Variants in KDR observed in about 807,000 individuals in gnomAD.
KDR encodes the protein vascular endothelial growth factor receptor 2.
Under a neutral mutation model 160.9 loss-of-function variants are expected in KDR, and 43 were observed. That is an observed-to-expected ratio of 0.27 (90% CI 0.21 to 0.34). KDR has a LOEUF of 0.34. Among genes scored for constraint, KDR ranks in the 10% least tolerant of loss-of-function variants. KDR has a pLI of 1.00. For missense variants in KDR, 1,469 were observed against 1,666.4 expected (o/e 0.88, Z 2.06); for synonymous variants, 617 against 600.1 (o/e 1.03, Z -0.41).
chr4:55,102,891 T>C (rs749911543), intron 13 of KDR, among the ~76,000 whole-genome samples: 13 of 152,230 alleles, frequency 8.5e-5, no homozygotes, highest in Non-Finnish European at 1.8e-4. Flanking sequence ...CAAATTTTAG[T>C]ATCATTCAAC....
At chr4:55,108,606 G>A (rs896606577) in intron 9 of KDR, among the ~76,000 whole-genome samples, 2 of 152,078 alleles carry the variant, frequency 1.3e-5, no homozygotes, top group Non-Finnish European at 2.9e-5. Context: ...ACCCAAACAC[G>A]TAAACCACCT....
At chr4:55,105,613 C>T (rs946304750) in intron 12 of KDR, among the ~76,000 whole-genome samples, 4 of 152,190 alleles carry the variant, frequency 2.6e-5, no homozygotes, top group African/African-American at 9.6e-5. Flanking sequence ...ATCTGTGAAA[C>T]CATTCTCTCT....
rs779652851 is a variant in KDR at position 55,114,903 on chromosome 4, T to A, written c.629A>T (p.Gln210Leu). Residue 210 changes from glutamine (Q) to leucine (L), a missense_variant, in exon 5 of 30, where the codon CAG becomes CTG. Gln to Leu is a moderately radical substitution (Grantham distance 113). Coordinates refer to ENST00000263923, the MANE Select transcript of KDR (RefSeq NM_002253.4). ...AACGACAACTATGTACATAATAGAC[T>A]GGTAACTTTCATCATTAATTTTTGC... is the stretch of plus-strand genomic sequence containing the variant. Reference protein sequence around the residue: ...CEAKINDESYQSIMYIVVVVG... With the variant: ...CEAKINDESYLSIMYIVVVVG... 1 of 1,613,714 alleles carries A rather than the reference T, an allele frequency of 6.2e-7. No homozygotes were observed. The highest frequency in any genetic ancestry group is 1.7e-5 in the Admixed American group (1 of 59,988).
At chr4:55,098,317 G>C (rs770135066) in intron 16 of KDR, 45 bp from the exon 17 acceptor site, 7 of 1,611,422 alleles carry the variant, frequency 4.3e-6, no homozygotes, top group Non-Finnish European at 5.9e-6. Context: ...CTGTTGTTTG[G>C]CTGTTGTTTT....
At position 55,107,783 on chromosome 4, in the gene KDR, T is replaced by C. The variant is rs1560520305; in HGVS notation, c.1366A>G (p.Ile456Val). ...TCCTCCAACTGCCAATACCAGTGGA[T>C]GTGATGCGGGGGAGGAATGGCATAG... is the stretch of plus-strand genomic sequence containing the variant. ...TVYAIPPPHH[I>V]HWYWQLEEEC... is the part of the protein sequence containing the mutation. Residue 456 changes from isoleucine to valine, a missense_variant, in exon 10 of 30, where the codon ATC becomes GTC. Ile to Val is a conservative substitution (Grantham distance 29). Around this residue, in one of 7 missense-constraint regions of KDR, gnomAD observed 792 missense variants for 840.9 expected, o/e 0.94. Transcript: ENST00000263923. The C allele has an allele frequency of 6.2e-7, 1 of 1,613,902 alleles. No individual in the cohort carries two copies. The highest frequency in any genetic ancestry group is 1.7e-5 in the Admixed American group (1 of 59,990).
At chr4:55,088,230 A>G (rs748241184) in intron 26 of KDR, among the ~76,000 whole-genome samples, 3 of 152,240 alleles carry the variant, frequency 2.0e-5, no homozygotes, top group Non-Finnish European at 2.9e-5. Flanking sequence ...AAAAGGTTGC[A>G]CAACTTAATA....
Position 55,089,439 on chromosome 4 carries a change from T to C in KDR, c.3339A>G (p.Glu1113=). ...CTTCTTTCAATCGCCTACAAAATTC[T>C]TCATCAATCTTTACCCCAGGATATG... ...ASPYPGVKID[E]EFCRRLKEGT... is the part of the protein sequence containing the mutation. Residue 1113 remains glutamate (E), a synonymous_variant, in exon 25 of 30, where the codon GAA becomes GAG. Transcript: ENST00000263923. 1 of 1,613,158 alleles carries C rather than the reference T, an allele frequency of 6.2e-7. No individual in the cohort carries two copies. The highest frequency in any genetic ancestry group is 2.2e-5 in the East Asian group (1 of 44,862).
chr4:55,095,807 C>G, intron 19 of KDR, 142 bp from the exon 20 acceptor site: 1 of 702,784 alleles, frequency 1.4e-6, no homozygotes, highest in Non-Finnish European at 2.6e-6. Context: ...TCAGCTGGTC[C>G]CAATCCCCTT....
intron 7 of KDR, among the ~76,000 whole-genome samples, chr4:55,111,138 C>T (rs1269543197): frequency 6.6e-6 from 1 of 152,168 alleles, no homozygotes; most frequent in Non-Finnish European, 1.5e-5. Context: ...ACCATGAGGC[C>T]CCAGGACTCA....
At position 55,104,674 on chromosome 4, in the gene KDR, T is replaced by C; in HGVS notation, c.1956A>G (p.Arg652=). ...CTGTGAGCTGCCTGACCACGCAATG[T>C]CTTTTCTTGGTCTTCCTGTCTTGAG... ...CLAQDRKTKK[R]HCVVRQLTVL... The change falls in exon 13 of 30, where the codon AGA becomes AGG. Residue 652 remains arginine (R), a synonymous_variant. Transcript: ENST00000263923. The C allele has an allele frequency of 6.2e-7, 1 of 1,613,760 alleles. No individual in the cohort carries two copies. Among genetic ancestry groups the C allele is most frequent in the East Asian group, 2.2e-5 (1 of 44,860 alleles).
intron 17 of KDR, 47 bp from the exon 18 acceptor site, chr4:55,097,813 T>C (rs527773411): frequency 3.2e-5 from 43 of 1,340,918 alleles, no homozygotes; most frequent in Non-Finnish European, 4.4e-5. Context: ...TGGATTACTA[T>C]ACAACCAAAG....
At position 55,105,823 on chromosome 4, in the gene KDR, A is replaced by G; in HGVS notation, c.1645+9T>C. 3 of 1,524,514 alleles carry G rather than the reference A, an allele frequency of 2.0e-6. No homozygotes were observed. Among genetic ancestry groups the G allele is most frequent in the Non-Finnish European group, 2.7e-6 (3 of 1,098,226 alleles). The allele number at this position is 1,524,514 out of a possible 1,614,324, so 94.4% of individuals were successfully genotyped here. ...GATCCAACCCAAACCTCCAGAGAAG[A>G]GTACTTACTGGTCACGTGGAAGGAG... On this transcript the variant is annotated intron_variant, in intron 12 of 29. Coordinates refer to ENST00000263923, the MANE Select transcript of KDR (RefSeq NM_002253.4).
At position 55,115,258 on chromosome 4, in the gene KDR, C is replaced by T. The variant is rs771973089; in HGVS notation, c.489+23G>A. 24 of 1,590,580 alleles carry T rather than the reference C, an allele frequency of 1.5e-5. No individual in the cohort carries two copies. In the Middle Eastern group the frequency reaches 5.0e-4, roughly 33 times the overall value. On this transcript the variant is annotated intron_variant, in intron 4 of 29. Transcript: ENST00000263923. ...CTTAAAATTATAAAAACTTAAGAGA[C>T]GATTGGAGGAGATGCAACTTACTGC...
At chr4:55,105,066 C>A (rs1720409764) in intron 12 of KDR, 82 bp from the exon 13 acceptor site, 1 of 1,127,548 alleles carries the variant, frequency 8.9e-7, no homozygotes, top group Admixed American at 1.9e-5. Context: ...CAGACTACTA[C>A]AAAGTACCAA....
chr4:55,091,405 A>G (rs113757856), intron 22 of KDR, among the ~76,000 whole-genome samples: 32 of 152,328 alleles, frequency 2.1e-4, no homozygotes, highest in African/African-American at 7.5e-4. Flanking sequence ...AGATGTAAGG[A>G]AAGTTAAAGC....
rs898580509 is a variant in KDR at position 55,079,487 on chromosome 4, C to T, written c.*454G>A. On this transcript the variant is annotated 3_prime_UTR_variant, in exon 30 of 30. Coordinates refer to ENST00000263923, the MANE Select transcript of KDR (RefSeq NM_002253.4). Reference sequence around the variant, plus strand: ...CACTTAAGGCTTGGCTTGGGACCCACGTCCTAAACAAAGCCTCTTGGATAG... The same window carrying T: ...CACTTAAGGCTTGGCTTGGGACCCATGTCCTAAACAAAGCCTCTTGGATAG... 4 of 306,970 alleles carry T rather than the reference C, an allele frequency of 1.3e-5. No homozygotes were observed. The highest frequency in any genetic ancestry group is 4.1e-5 in the African/African-American group (2 of 48,232). The allele number at this position is 306,970 out of a possible 1,614,324, so 19.0% of individuals were successfully genotyped here.
At chr4:55,106,894 G>C in intron 10 of KDR, 84 bp from the exon 11 acceptor site, 1 of 1,229,682 alleles carries the variant, frequency 8.1e-7, no homozygotes, top group South Asian at 1.2e-5. Context: ...TCAGACTTTG[G>C]TTATTCTGTT....
intron 25 of KDR, 119 bp downstream of exon 25, chr4:55,089,255 A>G (rs1719945157): frequency 1.3e-6 from 1 of 755,070 alleles, no homozygotes. Context: ...GAAAGGCCCC[A>G]AAGTAAAAGC....
intron 26 of KDR, 117 bp downstream of exon 26, chr4:55,088,751 G>A (rs1222829519): frequency 4.1e-6 from 3 of 738,068 alleles, no homozygotes; most frequent in Non-Finnish European, 7.4e-6. Context: ...GAAGAATACA[G>A]TAGATTATTC....
Sources: allele counts gnomAD v4.1 joint callset (sites outside exome capture counted in the v4.1 genomes callset), GRCh38; gene constraint gnomAD v4.1.1; regional missense constraint gnomAD v4.1.1; transcripts MANE v1.5; gene names NCBI Gene and HGNC (gene_info 2026-07-23, HGNC 2026-07-21).